The following AGBL1 variants were observed in gnomAD, a reference collection of about 807,000 sequenced individuals.
AGBL1 encodes the protein cytosolic carboxypeptidase 4.
In AGBL1, 130 loss-of-function variants were observed where a neutral mutation model predicts 118.9. The ratio of observed to expected loss-of-function variants is 1.09; its 90% confidence interval spans 0.95 to 1.26. The LOEUF is 1.26. Ranked by LOEUF, AGBL1 falls within the 50% of genes most tolerant of loss-of-function variation. The pLI, the probability that AGBL1 is intolerant of heterozygous loss-of-function variation, is 0.00. For missense variants in AGBL1, 1,584 were observed against 1,298.1 expected, an observed-to-expected ratio of 1.22 and a Z score of -3.38; for synonymous variants, 555 against 478.9, an observed-to-expected ratio of 1.16 and a Z score of -2.08.
intron 4 of AGBL1, among the ~76,000 whole-genome samples, chr15:86,156,794 C>CTTTTTTTTTTTT (rs773611214): frequency 9.5e-6 from 1 of 105,562 alleles, no homozygotes; most frequent in African/African-American, 3.3e-5. Context: ...TCTTTTCTTT[C>CTTTTTTTTTTTT]TTTTTTTTTT....
intron 1 of AGBL1, among the ~76,000 whole-genome samples, chr15:86,124,180 T>C (rs1201170370): frequency 1.3e-5 from 2 of 151,754 alleles, no homozygotes; most frequent in East Asian, 3.9e-4. Context: ...AAATACAAAA[T>C]GTAGCGGGGC....
intron 20 of AGBL1, among the ~76,000 whole-genome samples, chr15:86,548,646 C>T (rs2083619705): frequency 7.2e-6 from 1 of 138,602 alleles, no homozygotes; most frequent in South Asian, 2.5e-4. Context: ...AGGATAGCCA[C>T]ACACACACAC....
At chr15:86,341,314 T>C (rs2080458632) in intron 17 of AGBL1, among the ~76,000 whole-genome samples, 1 of 152,206 alleles carries the variant, frequency 6.6e-6, no homozygotes. Flanking sequence ...GGGGTCTTTT[T>C]GTTTGTGACA....
chr15:86,791,041 A>G (rs1370245970), intron 22 of AGBL1, among the ~76,000 whole-genome samples: 1 of 152,250 alleles, frequency 6.6e-6, no homozygotes, highest in Non-Finnish European at 1.5e-5. Context: ...AGTAAGAGAT[A>G]GCATTGGAAG....
At chr15:86,876,276 C>A (rs1465853841) in intron 22 of AGBL1, among the ~76,000 whole-genome samples, 5 of 152,044 alleles carry the variant, frequency 3.3e-5, no homozygotes, top group Admixed American at 6.6e-5. Flanking sequence ...AGGTCACAAC[C>A]CAGTAACCTG....
intron 22 of AGBL1, among the ~76,000 whole-genome samples, chr15:86,718,668 G>A (rs2086673302): frequency 6.6e-6 from 1 of 152,190 alleles, no homozygotes. Context: ...AATTTGGCTA[G>A]TTGGAGTTAT....
chr15:86,236,532 T>C (rs1321997364), intron 6 of AGBL1, among the ~76,000 whole-genome samples: 1 of 151,970 alleles, frequency 6.6e-6, no homozygotes, highest in Non-Finnish European at 1.5e-5. Context: ...AAAAGGAGAA[T>C]GCACACGGCT....
chr15:86,290,604 G>A (rs187915618), intron 16 of AGBL1, among the ~76,000 whole-genome samples: 112 of 151,806 alleles, frequency 7.4e-4, no homozygotes, highest in Non-Finnish European at 1.0e-3. Flanking sequence ...CACCTGCTTC[G>A]GCCTCCCAGA....
chr15:86,388,325 T>C (rs528709585), intron 17 of AGBL1, among the ~76,000 whole-genome samples: 2 of 152,168 alleles, frequency 1.3e-5, no homozygotes, highest in Non-Finnish European at 2.9e-5. Context: ...AAAAGAGAGA[T>C]GAAGGAGCTC....
At chr15:86,980,002 C>A (rs1177545421) in intron 23 of AGBL1, among the ~76,000 whole-genome samples, 2 of 152,152 alleles carry the variant, frequency 1.3e-5, no homozygotes, top group African/African-American at 4.8e-5. Context: ...TTCCTCTCCC[C>A]TAATGCCCTT....
chr15:86,784,931 A>T (rs995688601), intron 22 of AGBL1, among the ~76,000 whole-genome samples: 3 of 150,942 alleles, frequency 2.0e-5, no homozygotes, highest in Non-Finnish European at 2.9e-5. Context: ...TAAGATTATT[A>T]AAAAAAAATT....
At chr15:86,881,792 C>T (rs1229505869) in intron 22 of AGBL1, among the ~76,000 whole-genome samples, 2 of 152,130 alleles carry the variant, frequency 1.3e-5, no homozygotes, top group South Asian at 2.1e-4. Flanking sequence ...TGTGCCACCA[C>T]GCCCGACTAA....
intron 18 of AGBL1, among the ~76,000 whole-genome samples, chr15:86,442,245 G>C (rs142158140): frequency 1.3e-5 from 2 of 152,338 alleles, no homozygotes; most frequent in Non-Finnish European, 2.9e-5. Flanking sequence ...GGAGCAGGCT[G>C]AGAGTGAAGG....
intron 21 of AGBL1, 131 bp downstream of exon 21, chr15:86,554,668 T>A: frequency 1.1e-6 from 1 of 905,126 alleles, no homozygotes; most frequent in Non-Finnish European, 1.5e-6. Flanking sequence ...TCCCTTGCCT[T>A]GAAAAACGGG....
At chr15:86,211,410 G>T (rs369003342) in intron 5 of AGBL1, among the ~76,000 whole-genome samples, 3 of 152,188 alleles carry the variant, frequency 2.0e-5, no homozygotes, top group African/African-American at 7.2e-5. Context: ...AGAAGTTTTT[G>T]CTGCCTTTTG....
chr15:86,293,432 A>C (rs957609008), intron 16 of AGBL1, among the ~76,000 whole-genome samples: 3 of 152,130 alleles, frequency 2.0e-5, no homozygotes, highest in Non-Finnish European at 4.4e-5. Context: ...TCCATCTTCA[A>C]AGCCAGCAAG....
intron 23 of AGBL1, among the ~76,000 whole-genome samples, chr15:86,925,106 AAG>A (rs2080517992): frequency 1.5e-5 from 1 of 64,648 alleles, no homozygotes; most frequent in African/African-American, 4.9e-5. Context: ...TGTCAAGAAG[AAG>A]AAGAAGAAGA....
chr15:86,564,115 A>T (rs1420038490), intron 21 of AGBL1, among the ~76,000 whole-genome samples: 2 of 152,190 alleles, frequency 1.3e-5, no homozygotes, highest in Non-Finnish European at 2.9e-5. Flanking sequence ...TAATTGGAGA[A>T]TTTAGCCCAT....
intron 22 of AGBL1, among the ~76,000 whole-genome samples, chr15:86,709,732 T>C (rs1017600968): frequency 6.6e-6 from 1 of 152,186 alleles, no homozygotes; most frequent in African/African-American, 2.4e-5. Context: ...ACCATATGGA[T>C]GTTAGAACAA....
Sources: gnomAD v4.1 joint callset for allele counts (sites outside exome capture counted in the v4.1 genomes callset) on GRCh38, gnomAD v4.1.1 for gene constraint, MANE v1.5 for transcripts, NCBI Gene and HGNC (gene_info 2026-07-23, HGNC 2026-07-21) for gene names.